ADAMTS18: variants seen among roughly 807,000 people sequenced by gnomAD.
ADAMTS18 encodes ADAM metallopeptidase with thrombospondin type 1 motif 18, also known as A disintegrin and metalloproteinase with thrombospondin motifs 18.
Under a neutral mutation model 165.9 loss-of-function variants are expected in ADAMTS18, and 157 were observed. The ratio of observed to expected loss-of-function variants is 0.95; its 90% confidence interval spans 0.83 to 1.08. ADAMTS18 has a LOEUF of 1.08. ADAMTS18 is among the 50% of genes least tolerant of loss of function. The pLI, the probability that ADAMTS18 is intolerant of heterozygous loss-of-function variation, is 0.00. For missense variants in ADAMTS18, 2,040 were observed against 1,534.0 expected (o/e 1.33, Z -5.51); for synonymous variants, 782 against 578.2 (o/e 1.35, Z -5.06).
intron 8 of ADAMTS18, among the ~76,000 whole-genome samples, chr16:77,357,322 A>G (rs908701985): frequency 2.0e-5 from 3 of 152,156 alleles, no homozygotes; most frequent in African/African-American, 7.2e-5. Context: ...ACTGTATGCT[A>G]TCCTATCAGT....
intron 17 of ADAMTS18, among the ~76,000 whole-genome samples, chr16:77,297,864 G>A (rs1472182012): frequency 6.9e-6 from 1 of 145,108 alleles, no homozygotes; most frequent in Non-Finnish European, 1.5e-5. Context: ...AAAGCAAAGA[G>A]TAGAACTCAC....
At chr16:77,377,415 T>A (rs2056969054) in intron 3 of ADAMTS18, among the ~76,000 whole-genome samples, 1 of 152,240 alleles carries the variant, frequency 6.6e-6, no homozygotes, top group South Asian at 2.1e-4. Flanking sequence ...GTGATTTGTA[T>A]CCCACTATTT....
In ADAMTS18 at chr16:77,289,349, C is replaced by T. The variant is rs756681926; in HGVS notation, c.3465G>A (p.Arg1155=). Reference sequence around the variant, plus strand: ...GATGGAGCAGACAACTTGAGGAAGGCCGGCCTTGCTGAACACAGTGGACTG... The same window carrying T: ...GATGGAGCAGACAACTTGAGGAAGGTCGGCCTTGCTGAACACAGTGGACTG... ...TRSVHCVQQG[R]PSSSCLLHQK... Residue 1155 remains arginine, a synonymous_variant, in exon 22 of 23, where the codon CGG becomes CGA. Transcript: ENST00000282849. The T allele has an allele frequency of 1.9e-5, 31 of 1,614,002 alleles. No homozygotes were observed. Among genetic ancestry groups the T allele is most frequent in the Non-Finnish European group, 1.7e-6 (2 of 1,180,022 alleles).
intron 10 of ADAMTS18, among the ~76,000 whole-genome samples, chr16:77,349,726 T>C (rs1485431909): frequency 6.6e-6 from 1 of 152,182 alleles, no homozygotes; most frequent in African/African-American, 2.4e-5. Flanking sequence ...CTTTGGCAGA[T>C]ACATATCCTA....
intron 9 of ADAMTS18, among the ~76,000 whole-genome samples, chr16:77,354,723 T>A (rs914606099): frequency 6.6e-6 from 1 of 152,218 alleles, no homozygotes; most frequent in African/African-American, 2.4e-5. Flanking sequence ...TGAGAAAATA[T>A]AACATGCTTC....
At chr16:77,319,744 G>C (rs1408049407) in intron 16 of ADAMTS18, 105 bp downstream of exon 16, 2 of 1,585,156 alleles carry the variant, frequency 1.3e-6, no homozygotes, top group Non-Finnish European at 1.7e-6. Flanking sequence ...TGCCCGGCCA[G>C]GAAACACCTT....
At chr16:77,318,999 A>G (rs1303035921) in intron 16 of ADAMTS18, among the ~76,000 whole-genome samples, 2 of 152,224 alleles carry the variant, frequency 1.3e-5, no homozygotes, top group South Asian at 2.1e-4. Context: ...AAATGTTTCT[A>G]TGATAACAGC....
rs779913181 is a variant in ADAMTS18, at chr16:77,294,964, G to A, written c.2965C>T (p.His989Tyr). 2 of 1,614,018 alleles carry A rather than the reference G, an allele frequency of 1.2e-6. No individual in the cohort carries two copies. The highest frequency in any genetic ancestry group is 1.7e-6 in the Non-Finnish European group (2 of 1,180,032). The change falls in exon 19 of 23, where the codon CAT becomes TAT. Residue 989 changes from histidine (H) to tyrosine (Y), a missense_variant. His to Tyr is a moderately conservative substitution (Grantham distance 83, BLOSUM62 2). Transcript: ENST00000282849. ...TPTQVQACNS[H>Y]ACPPQWSLGP... ...AGGCTCCATTGTGGAGGGCAGGCAT[G>A]GCTGTTGCAGGCTTGGACCTGAGTG... is the stretch of plus-strand genomic sequence containing the variant.
intron 18 of ADAMTS18, among the ~76,000 whole-genome samples, chr16:77,296,128 G>A (rs184772666): frequency 6.6e-6 from 1 of 152,060 alleles, no homozygotes; most frequent in African/African-American, 2.4e-5. Context: ...TAAAACATTG[G>A]TGAATGCAAC....
intron 3 of ADAMTS18, among the ~76,000 whole-genome samples, chr16:77,378,096 G>C (rs1017422980): frequency 2.0e-5 from 3 of 152,154 alleles, no homozygotes; most frequent in Admixed American, 2.0e-4. Flanking sequence ...GTGAGTCTAA[G>C]GCAGGAGGAT....
At chr16:77,398,085 G>C (rs921626361) in intron 3 of ADAMTS18, among the ~76,000 whole-genome samples, 4 of 152,154 alleles carry the variant, frequency 2.6e-5, no homozygotes, top group Non-Finnish European at 5.9e-5. Flanking sequence ...GGGAGGCCGA[G>C]GCAGGCAGAT....
At chr16:77,332,371 C>A (rs1391330492) in intron 12 of ADAMTS18, among the ~76,000 whole-genome samples, 1 of 152,168 alleles carries the variant, frequency 6.6e-6, no homozygotes, top group Admixed American at 6.6e-5. Flanking sequence ...CCCCGTCCTC[C>A]TGGTGAGCTT....
chr16:77,292,910 C>A (rs1250181443), intron 20 of ADAMTS18, 166 bp downstream of exon 20: 1 of 711,048 alleles, frequency 1.4e-6, no homozygotes, highest in Non-Finnish European at 2.3e-6. Flanking sequence ...AACTCCGCCT[C>A]CTGGGTTCAC....
At chr16:77,422,451 A>T (rs2144850968) in intron 3 of ADAMTS18, among the ~76,000 whole-genome samples, 1 of 151,332 alleles carries the variant, frequency 6.6e-6, no homozygotes, top group Non-Finnish European at 1.5e-5. Context: ...GATAGCTTGG[A>T]TCTAGCCTTG....
rs1255818005 is a variant in ADAMTS18, at chr16:77,333,990, T to C, written c.1859+1766A>G. Among the ~76,000 whole-genome samples, 7 of 142,830 alleles carry C rather than the reference T, an allele frequency of 4.9e-5. No individual in the cohort carries two copies. The East Asian group carries it at 1.4e-3, about 28-fold the overall frequency. 93.7% of individuals were successfully genotyped at this position (142,830 alleles called of 152,430 possible). A position where few individuals can be genotyped will look rare whatever the true frequency, so the allele number is the denominator to read the frequency against. ...AATATAGTGTCATATATGCTATATA[T>C]AATATACAGTGCAATATATGCTATA... On this transcript the variant is annotated intron_variant, in intron 12 of 22. Transcript: ENST00000282849.
intron 2 of ADAMTS18, among the ~76,000 whole-genome samples, chr16:77,432,895 G>A (rs1352500064): frequency 6.6e-6 from 1 of 152,038 alleles, no homozygotes; most frequent in East Asian, 1.9e-4. Context: ...TTCTGTTTAT[G>A]AACCATCTGT....
chr16:77,404,338 G>C (rs113150432), intron 3 of ADAMTS18, among the ~76,000 whole-genome samples: 3 of 152,082 alleles, frequency 2.0e-5, no homozygotes, highest in Non-Finnish European at 4.4e-5. Context: ...TACCTTTTCA[G>C]GGTCACAAAA....
chr16:77,349,254 C>T (rs940759108), intron 10 of ADAMTS18, among the ~76,000 whole-genome samples: 5 of 151,958 alleles, frequency 3.3e-5, no homozygotes, highest in African/African-American at 1.2e-4. Flanking sequence ...ACCTGTCTCC[C>T]CCTTTCGGTT....
intron 9 of ADAMTS18, among the ~76,000 whole-genome samples, chr16:77,355,234 A>T (rs1279087009): frequency 1.8e-5 from 1 of 56,410 alleles, no homozygotes; most frequent in African/African-American, 5.7e-5. Flanking sequence ...GTGTGTGTGT[A>T]TTTCAACTTT....
Sources: allele counts gnomAD v4.1 joint callset (sites outside exome capture counted in the v4.1 genomes callset), GRCh38; gene constraint gnomAD v4.1.1; transcripts MANE v1.5; gene names NCBI Gene and HGNC (gene_info 2026-07-23, HGNC 2026-07-21).